Variants in DSCAML1 observed in about 807,000 individuals in gnomAD.
The protein encoded by DSCAML1 is DS cell adhesion molecule like 1.
DSCAML1 carries 38 observed loss-of-function variants against 200.5 expected under a neutral mutation model. The ratio of observed to expected loss-of-function variants is 0.19; its 90% CI spans 0.15 to 0.25. The LOEUF (loss-of-function observed/expected upper bound fraction) is 0.25. DSCAML1 is among the 10% of genes least tolerant of loss of function. The pLI, the probability that DSCAML1 is intolerant of heterozygous loss-of-function variation, is 1.00. For synonymous variants in DSCAML1, 1,215 were observed against 1,165.0 expected (o/e 1.04, Z -0.87); for missense variants, 2,223 against 2,858.8 (o/e 0.78, Z 5.07).
chr11:117,569,374 T>G (rs1201272833), intron 3 of DSCAML1, among the ~76,000 whole-genome samples: 1 of 152,194 alleles, frequency 6.6e-6, no homozygotes, highest in Non-Finnish European at 1.5e-5. Context: ...ACAAATGGGA[T>G]CTAATTAAAC....
intron 6 of DSCAML1, among the ~76,000 whole-genome samples, chr11:117,520,254 C>G (rs2049859809): frequency 6.6e-6 from 1 of 152,198 alleles, no homozygotes; most frequent in Non-Finnish European, 1.5e-5. Flanking sequence ...GCAACGTGTG[C>G]AGTGAACAAC....
Position 117,481,946 on chromosome 11 carries a change from G to A in DSCAML1, c.2559+17C>T. 6.2e-7 allele frequency: 1 copy of A among 1,613,664 alleles called. No individual in the cohort carries two copies. Among genetic ancestry groups the A allele is most frequent in the South Asian group, 1.1e-5 (1 of 91,076 alleles). ...CTGAGAGTTGGGGTCCCCCAGCACT[G>A]AGGTGGGGGTGCTCACCTTCAGTGT... is the stretch of plus-strand genomic sequence containing the variant. On this transcript the variant is annotated intron_variant, in intron 12 of 32. Transcript: ENST00000651296.
At chr11:117,467,122 A>AG (rs2048594262) in intron 16 of DSCAML1, among the ~76,000 whole-genome samples, 1 of 86,678 alleles carries the variant, frequency 1.2e-5, no homozygotes, top group African/African-American at 6.8e-5. Context: ...TGGGGCTGGA[A>AG]AACTCTCATC....
chr11:117,776,192 G>A (rs1450516327), intron 3 of DSCAML1, among the ~76,000 whole-genome samples: 2 of 152,170 alleles, frequency 1.3e-5, no homozygotes, highest in African/African-American at 4.8e-5. Flanking sequence ...AATCACGGCA[G>A]CTGTGATGAG....
chr11:117,460,048 G>A (rs974367634), intron 18 of DSCAML1, among the ~76,000 whole-genome samples: 8 of 152,238 alleles, frequency 5.3e-5, no homozygotes, highest in Non-Finnish European at 7.3e-5. Flanking sequence ...AGAGGGCAGC[G>A]TGGTCAGGAG....
At position 117,438,064 on chromosome 11, in the gene DSCAML1, C is replaced by T. The variant is rs751271314; in HGVS notation, c.4263G>A (p.Ser1421=). ...SSIRGFVLQY[S]VDNSEEWKDV... is the part of the protein sequence containing the mutation. ...CCTTCCACTCCTCGCTGTTGTCCAC[C>T]GAGTACTGTAGCACGAAGCCTGCGG... Residue 1421 remains serine (S), a synonymous_variant, in exon 25 of 33, where the codon TCG becomes TCA. Coordinates refer to ENST00000651296, the MANE Select transcript of DSCAML1 (RefSeq NM_020693.4). 22 of 1,613,400 alleles carry T rather than the reference C, an allele frequency of 1.4e-5. No homozygotes were observed. The African/African-American group carries it at 1.6e-4, about 12-fold the overall frequency.
rs557746107 is a variant in DSCAML1, at chr11:117,431,110, G to A, written c.5375-77C>T. The A allele has an allele frequency of 2.1e-4, 293 of 1,402,716 alleles. No individual in the cohort carries two copies. In the African/African-American group the frequency reaches 3.6e-3, roughly 17 times the overall value. 86.9% of individuals were successfully genotyped at this position (1,402,716 alleles called of 1,614,324 possible). ...GACTGACTGAGCACTTCCCCTGCCC[G>A]TAACCCCAGCAGCCATCTGTAAGTC... On this transcript the variant is annotated intron_variant, in intron 31 of 32. Transcript: ENST00000651296.
chr11:117,526,088 A>G (rs746410586), intron 4 of DSCAML1, among the ~76,000 whole-genome samples: 52 of 152,220 alleles, frequency 3.4e-4, no homozygotes, highest in Admixed American at 3.1e-3. Flanking sequence ...TCTGTGTGCA[A>G]TGCCCAGGAA....
At chr11:117,816,479 C>G (rs941335799) in intron 1 of DSCAML1, among the ~76,000 whole-genome samples, 3 of 152,222 alleles carry the variant, frequency 2.0e-5, no homozygotes, top group African/African-American at 7.2e-5. Flanking sequence ...ATTACCCGCC[C>G]CAGAGGCCCC....
intron 3 of DSCAML1, among the ~76,000 whole-genome samples, chr11:117,709,570 C>T (rs529274361): frequency 2.6e-5 from 4 of 152,148 alleles, no homozygotes; most frequent in South Asian, 4.2e-4. Flanking sequence ...CAGTCCATAA[C>T]GGCAGCCAAA....
chr11:117,696,481 A>T (rs1219762174), intron 3 of DSCAML1, among the ~76,000 whole-genome samples: 1 of 152,246 alleles, frequency 6.6e-6, no homozygotes, highest in East Asian at 1.9e-4. Context: ...TATTTACTAA[A>T]GAAAAACAGG....
intron 3 of DSCAML1, among the ~76,000 whole-genome samples, chr11:117,717,082 G>A (rs2137784348): frequency 6.6e-6 from 1 of 152,310 alleles, no homozygotes; most frequent in African/African-American, 2.4e-5. Flanking sequence ...AGACTTCTAG[G>A]GGGAAGAAAG....
chr11:117,502,847 C>A (rs1247861772), intron 11 of DSCAML1, among the ~76,000 whole-genome samples: 13 of 152,144 alleles, frequency 8.5e-5, no homozygotes. Context: ...ACGAGCCCAA[C>A]CCCCCGCTCA....
At chr11:117,632,499 G>GC (rs1046129790) in intron 3 of DSCAML1, among the ~76,000 whole-genome samples, 2 of 152,152 alleles carry the variant, frequency 1.3e-5, no homozygotes, top group South Asian at 2.1e-4. Context: ...CACCAGCCTG[G>GC]CCCCCCGCTC....
chr11:117,646,865 A>G (rs1307782574), intron 3 of DSCAML1, among the ~76,000 whole-genome samples: 1 of 152,122 alleles, frequency 6.6e-6, no homozygotes, highest in Non-Finnish European at 1.5e-5. Flanking sequence ...AAAAAAAAAA[A>G]AACAAATCCA....
At chr11:117,791,826 G>A (rs1228595072) in intron 1 of DSCAML1, among the ~76,000 whole-genome samples, 1 of 152,238 alleles carries the variant, frequency 6.6e-6, no homozygotes. Context: ...GGCAGGGAGA[G>A]GAAGGTAGAG....
rs117499411 is a variant in DSCAML1, at chr11:117,694,912, G to A, written c.511+81879C>T. Among the ~76,000 whole-genome samples the A allele has an allele frequency of 2.0e-3, 306 of 152,342 alleles. 1 individual carries two copies. The highest frequency in any genetic ancestry group is 3.7e-3 in the Non-Finnish European group (255 of 68,028). On this transcript the variant is annotated intron_variant, in intron 3 of 32. Transcript: ENST00000651296. Reference sequence around the variant, plus strand: ...GAAGTATGTAATCAAAGATGAGGCCGGAAGTGCACTGGAGCCAGGCTGTGC... The same window carrying A: ...GAAGTATGTAATCAAAGATGAGGCCAGAAGTGCACTGGAGCCAGGCTGTGC...
intron 3 of DSCAML1, among the ~76,000 whole-genome samples, chr11:117,569,286 T>A (rs1005212738): frequency 6.6e-6 from 1 of 152,180 alleles, no homozygotes; most frequent in Admixed American, 6.5e-5. Context: ...AACCTAGGCA[T>A]TACCATTCAG....
At position 117,608,889 on chromosome 11, in the gene DSCAML1, C is replaced by T. The variant is rs530410265; in HGVS notation, c.512-76367G>A. Among the ~76,000 whole-genome samples, 46 of 72,048 alleles carry T rather than the reference C, an allele frequency of 6.4e-4. No homozygotes were observed. In the Admixed American group the frequency reaches 6.4e-3, roughly 10 times the overall value. 47.3% of individuals were successfully genotyped at this position (72,048 alleles called of 152,430 possible). A position where few individuals can be genotyped will look rare whatever the true frequency, so the allele number is the denominator to read the frequency against. On this transcript the variant is annotated intron_variant, in intron 3 of 32. Transcript: ENST00000651296. ...TGAGCATTATATCTGCCAAATTGGC[C>T]GGGCATGGTGGCTTACACTTGTAAT... is the stretch of plus-strand genomic sequence containing the variant.
Sources: gnomAD v4.1 joint callset for allele counts (sites outside exome capture counted in the v4.1 genomes callset) on GRCh38, gnomAD v4.1.1 for gene constraint, MANE v1.5 for transcripts, NCBI Gene and HGNC (gene_info 2026-07-23, HGNC 2026-07-21) for gene names.